The following ARFGEF3 variants were observed in gnomAD, a reference collection of about 807,000 sequenced individuals.
ARFGEF3 encodes brefeldin A-inhibited guanine nucleotide-exchange protein 3.
ARFGEF3 carries 96 observed loss-of-function variants against 221.7 expected under a neutral mutation model. The observed-to-expected ratio is 0.43, with a 90% CI of 0.37 to 0.51. The LOEUF (loss-of-function observed/expected upper bound fraction) is 0.51. Ranked by LOEUF, ARFGEF3 falls within the 20% of genes least tolerant of loss-of-function variation. The pLI, the probability that ARFGEF3 is intolerant of heterozygous loss-of-function variation, is 0.00. For missense variants in ARFGEF3, 2,410 were observed against 2,789.9 expected, an observed-to-expected ratio of 0.86 and a Z score of 3.07; for synonymous variants, 1,145 against 1,126.8, an observed-to-expected ratio of 1.02 and a Z score of -0.32.
chr6:138,316,269 A>AATGTAAATTGTAAAACT (rs1422887489), intron 26 of ARFGEF3, among the ~76,000 whole-genome samples: 1 of 152,234 alleles, frequency 6.6e-6, no homozygotes, highest in African/African-American at 2.4e-5. Flanking sequence ...AATCAGAACA[A>AATGTAAATTGTAAAACT]AAATCAGTAA....
chr6:138,233,174 G>A (rs192852399), intron 5 of ARFGEF3, among the ~76,000 whole-genome samples: 112 of 152,200 alleles, frequency 7.4e-4, no homozygotes, highest in Admixed American at 1.8e-3. Context: ...TTTCCATATG[G>A]ATAGTGTATC....
rs1780348276 is a variant in ARFGEF3, at chr6:138,337,412, G to GT, written c.*931dup. 6.6e-6 allele frequency: 1 copy of GT among 152,606 alleles called. No homozygotes were observed. The highest frequency in any genetic ancestry group is 1.9e-4 in the East Asian group (1 of 5,198). 9.5% of individuals were successfully genotyped at this position (152,606 alleles called of 1,614,324 possible). A position where few individuals can be genotyped will look rare whatever the true frequency, so the allele number is the denominator to read the frequency against. On this transcript the variant is annotated 3_prime_UTR_variant, in exon 34 of 34. Transcript: ENST00000251691. Reference sequence around the variant, plus strand: ...GTCTGAACATAAGGTATAGCATTTGGTTTTTAAGAAAACAAAACATTAAGA... The same window carrying GT: ...GTCTGAACATAAGGTATAGCATTTGGTTTTTTAAGAAAACAAAACATTAAGA...
intron 2 of ARFGEF3, among the ~76,000 whole-genome samples, chr6:138,189,999 A>G (rs1777265602): frequency 6.7e-6 from 1 of 149,892 alleles, no homozygotes; most frequent in Non-Finnish European, 1.5e-5. Context: ...TGGGAGGATC[A>G]CTTGAGCCTG....
At chr6:138,238,238 C>T (rs2114546910) in intron 5 of ARFGEF3, among the ~76,000 whole-genome samples, 1 of 152,294 alleles carries the variant, frequency 6.6e-6, no homozygotes, top group South Asian at 2.1e-4. Context: ...TTTGGCACAT[C>T]TAAAAATCGC....
chr6:138,305,093 C>T (rs962873563), intron 22 of ARFGEF3, among the ~76,000 whole-genome samples: 1 of 151,346 alleles, frequency 6.6e-6, no homozygotes, highest in Admixed American at 6.6e-5. Context: ...AAAAACCTTC[C>T]CACAATAACC....
At chr6:138,209,693 C>T (rs1474209014) in intron 3 of ARFGEF3, among the ~76,000 whole-genome samples, 2 of 152,280 alleles carry the variant, frequency 1.3e-5, no homozygotes, top group East Asian at 3.9e-4. Context: ...CATGACCCGC[C>T]CACCTCAGCC....
chr6:138,213,987 G>A (rs994497339), intron 4 of ARFGEF3, among the ~76,000 whole-genome samples: 2 of 152,096 alleles, frequency 1.3e-5, no homozygotes, highest in Admixed American at 6.6e-5. Context: ...ACTTGTTTTG[G>A]TATAGAGATT....
chr6:138,282,046 C>G (rs929288857), intron 14 of ARFGEF3, among the ~76,000 whole-genome samples: 1 of 152,164 alleles, frequency 6.6e-6, no homozygotes, highest in African/African-American at 2.4e-5. Context: ...CCTCCACCTC[C>G]CAGGTTCGAG....
chr6:138,275,586 A>T (rs1405409618), intron 12 of ARFGEF3, among the ~76,000 whole-genome samples: 2 of 152,122 alleles, frequency 1.3e-5, no homozygotes, highest in East Asian at 3.9e-4. Context: ...TTTACTAAAA[A>T]TACAAAAATT....
rs1313296525 is a variant in ARFGEF3 at position 138,162,339 on chromosome 6, C to G, written c.85+168C>G. Among the ~76,000 whole-genome samples the G allele has an allele frequency of 6.6e-6, 1 of 152,180 alleles. No homozygotes were observed. The highest frequency in any genetic ancestry group is 1.9e-4 in the East Asian group (1 of 5,188). ...TGGGATTTGAGAGTCTTGGCTCGGG[C>G]GTGGACATCAGCCGCCTCCCCTCCG... On this transcript the variant is annotated intron_variant, in intron 1 of 33. Coordinates refer to ENST00000251691, the MANE Select transcript of ARFGEF3 (RefSeq NM_020340.5). This position sits in a 1 kb window ranked among gnomAD's most constrained non-coding sequence, Gnocchi z 4.7.
chr6:138,330,574 G>A (rs1473028877), intron 32 of ARFGEF3, among the ~76,000 whole-genome samples: 1 of 152,292 alleles, frequency 6.6e-6, no homozygotes, highest in East Asian at 1.9e-4. Context: ...GGAGGCTGAG[G>A]CAGGAGAATC....
chr6:138,255,021 G>A (rs1778649228), intron 9 of ARFGEF3, among the ~76,000 whole-genome samples: 1 of 152,218 alleles, frequency 6.6e-6, no homozygotes, highest in Admixed American at 6.5e-5. Flanking sequence ...GGCCCCACAG[G>A]CAGCCAGCTG....
chr6:138,260,193 A>C (rs1327337098), intron 10 of ARFGEF3, among the ~76,000 whole-genome samples: 1 of 152,202 alleles, frequency 6.6e-6, no homozygotes, highest in Non-Finnish European at 1.5e-5. Flanking sequence ...TGATGTCAAC[A>C]AAAAGTGGAA....
intron 10 of ARFGEF3, 79 bp downstream of exon 10, chr6:138,255,848 A>C: frequency 1.6e-6 from 2 of 1,239,406 alleles, no homozygotes; most frequent in Non-Finnish European, 2.2e-6. Context: ...CGCTCAGAAA[A>C]GGCTTGCCAA....
intron 3 of ARFGEF3, 55 bp downstream of exon 3, chr6:138,207,178 A>G: frequency 1.5e-6 from 2 of 1,358,546 alleles, no homozygotes; most frequent in Non-Finnish European, 2.1e-6. Context: ...CCACTTTGGC[A>G]TTGAAAGGGC....
chr6:138,317,127 C>A, intron 26 of ARFGEF3, 124 bp from the exon 27 acceptor site: 2 of 974,648 alleles, frequency 2.1e-6, no homozygotes, highest in Non-Finnish European at 3.0e-6. Flanking sequence ...AGGCTAACAA[C>A]ACTGGGTGAT....
intron 17 of ARFGEF3, among the ~76,000 whole-genome samples, chr6:138,289,184 C>A (rs1221371660): frequency 6.6e-6 from 1 of 152,160 alleles, no homozygotes; most frequent in Non-Finnish European, 1.5e-5. Flanking sequence ...AACTCCCAAC[C>A]TCTGGTGATC....
At chr6:138,191,490 C>A (rs1012804638) in intron 2 of ARFGEF3, among the ~76,000 whole-genome samples, 1 of 152,098 alleles carries the variant, frequency 6.6e-6, no homozygotes, top group Non-Finnish European at 1.5e-5. Context: ...TCTTTGTCAG[C>A]ATCATTAATT....
At chr6:138,255,826 G>A in intron 10 of ARFGEF3, 57 bp downstream of exon 10, 6 of 1,374,200 alleles carry the variant, frequency 4.4e-6, no homozygotes, top group Non-Finnish European at 4.8e-6. Context: ...CCAGCGTTTC[G>A]CATACAAGAA....
Sources: gnomAD v4.1 joint callset for allele counts (sites outside exome capture counted in the v4.1 genomes callset) on GRCh38, gnomAD v4.1.1 for gene constraint, Gnocchi (gnomAD v3.1) non-coding constraint, MANE v1.5 for transcripts, NCBI Gene and HGNC (gene_info 2026-07-23, HGNC 2026-07-21) for gene names.